The following SLC16A10 variants were observed in gnomAD, a reference collection of about 807,000 sequenced individuals.
SLC16A10 encodes the protein monocarboxylate transporter 10.
SLC16A10 carries 27 observed loss-of-function variants against 40.0 expected under a neutral mutation model. The ratio of observed to expected loss-of-function variants is 0.67; its 90% CI spans 0.50 to 0.93. The LOEUF (loss-of-function observed/expected upper bound fraction) is 0.93, where lower values mean the gene tolerates loss of function less well. Ranked by LOEUF, SLC16A10 falls within the 40% of genes least tolerant of loss-of-function variation. SLC16A10 has a pLI of 0.00. For missense variants in SLC16A10, 529 were observed against 658.2 expected (o/e 0.80, Z 2.15); for synonymous variants, 213 against 249.8 (o/e 0.85, Z 1.39).
chr6:111,112,054 A>T (rs1361116129), intron 1 of SLC16A10, among the ~76,000 whole-genome samples: 1 of 152,078 alleles, frequency 6.6e-6, no homozygotes, highest in Non-Finnish European at 1.5e-5. Flanking sequence ...TTTTTGAGAC[A>T]GAGTCTTGCT....
At chr6:111,089,718 G>A (rs1423847390) in intron 1 of SLC16A10, among the ~76,000 whole-genome samples, 2 of 152,102 alleles carry the variant, frequency 1.3e-5, no homozygotes, top group Non-Finnish European at 2.9e-5. Context: ...TATGAGTATT[G>A]GGTGTCAGAG....
chr6:111,108,271 C>T (rs1029854093), intron 1 of SLC16A10, among the ~76,000 whole-genome samples: 8 of 152,282 alleles, frequency 5.3e-5, no homozygotes, highest in Non-Finnish European at 1.5e-5. Context: ...TCACCTGTCT[C>T]GGCCTTCCAA....
At chr6:111,164,595 A>AC (rs1188058674) in intron 1 of SLC16A10, among the ~76,000 whole-genome samples, 1 of 152,026 alleles carries the variant, frequency 6.6e-6, no homozygotes, top group Non-Finnish European at 1.5e-5. Context: ...ATCCGTCTCT[A>AC]CTAAAAAAAA....
chr6:111,125,732 T>C (rs1013926006), intron 1 of SLC16A10, among the ~76,000 whole-genome samples: 1 of 152,222 alleles, frequency 6.6e-6, no homozygotes, highest in African/African-American at 2.4e-5. Context: ...ATGTAAAGTC[T>C]GTTTACTGCC....
intron 1 of SLC16A10, among the ~76,000 whole-genome samples, chr6:111,146,051 A>G (rs1190452903): frequency 2.0e-5 from 3 of 152,240 alleles, no homozygotes; most frequent in East Asian, 3.8e-4. Context: ...ATTTTTTGCA[A>G]ATCATGTATT....
intron 3 of SLC16A10, among the ~76,000 whole-genome samples, chr6:111,180,239 C>A (rs74888963): frequency 6.6e-6 from 1 of 152,064 alleles, no homozygotes; most frequent in Non-Finnish European, 1.5e-5. Context: ...GACTAAGGCC[C>A]GGAAAGATTA....
chr6:111,150,477 T>A (rs1404689205), intron 1 of SLC16A10, among the ~76,000 whole-genome samples: 1 of 152,234 alleles, frequency 6.6e-6, no homozygotes, highest in Non-Finnish European at 1.5e-5. Context: ...ATCAATATCA[T>A]CATCATCATC....
intron 1 of SLC16A10, among the ~76,000 whole-genome samples, chr6:111,104,921 CT>C (rs1311880044): frequency 6.6e-6 from 1 of 151,724 alleles, no homozygotes; most frequent in Admixed American, 6.6e-5. Flanking sequence ...AGTAATAGAA[CT>C]TCCTTAAAAT....
chr6:111,117,058 T>G lies in SLC16A10; in HGVS notation c.343+28963T>G, dbSNP rs1156848654. On this transcript the variant is annotated intron_variant, in intron 1 of 5. Transcript: ENST00000368851. The stretch of plus-strand genomic sequence containing the variant: ...TATTGAAGAGGATTGATAAAAGAAG[T>G]GGGAAGGTCAGGCCAGGTGTGGTGG... Among the ~76,000 whole-genome samples, 10 of 151,992 alleles carry G rather than the reference T, an allele frequency of 6.6e-5. No individual in the cohort carries two copies. The East Asian group carries it at 1.9e-3, about 29-fold the overall frequency.
intron 1 of SLC16A10, among the ~76,000 whole-genome samples, chr6:111,158,348 TG>T (rs1772309952): frequency 6.6e-6 from 1 of 152,192 alleles, no homozygotes; most frequent in Non-Finnish European, 1.5e-5. Flanking sequence ...CCAGACTTTC[TG>T]GCACTAGGGA....
rs145047809 is a variant in SLC16A10, at chr6:111,088,063, C to G, written c.311C>G (p.Ser104Cys). Residue 104 changes from serine to cysteine, a missense_variant, in exon 1 of 6, where the codon TCC (serine) becomes TGC (cysteine). By Grantham distance (112) the Ser-to-Cys change is moderately radical. Coordinates refer to ENST00000368851, the MANE Select transcript of SLC16A10 (RefSeq NM_018593.5). ...GTGTCCATGCTGGAAACCTTCGGCT[C>G]CAAAGACGATGACAAGATGGTCTTT... is the stretch of plus-strand genomic sequence containing the variant. ...LFVSMLETFG[S>C]KDDDKMVFKT... is the part of the protein sequence containing the mutation. 1.6e-5 allele frequency: 25 copies of G among 1,608,200 alleles called. No homozygotes were observed. The African/African-American group carries it at 3.2e-4, about 21-fold the overall frequency.
intron 1 of SLC16A10, among the ~76,000 whole-genome samples, chr6:111,139,781 T>G (rs966497114): frequency 2.0e-5 from 3 of 152,248 alleles, no homozygotes; most frequent in Non-Finnish European, 4.4e-5. Flanking sequence ...CCTCTGGGTA[T>G]ATGCTCAGTA....
chr6:111,193,853 A>G (rs1029787986), intron 3 of SLC16A10, among the ~76,000 whole-genome samples: 4 of 152,208 alleles, frequency 2.6e-5, no homozygotes, highest in African/African-American at 4.8e-5. Context: ...TATTTTTGTT[A>G]GGCCCTTATA....
rs150284887 is a variant in SLC16A10 at position 111,122,197 on chromosome 6, C to G, written c.343+34102C>G. 5.9e-3 allele frequency among the ~76,000 whole-genome samples: 903 copies of G among 152,268 alleles called. 8 individuals carry two copies. The highest frequency in any genetic ancestry group is 0.02 in the African/African-American group (851 of 41,542). On this transcript the variant is annotated intron_variant, in intron 1 of 5. Coordinates refer to ENST00000368851, the MANE Select transcript of SLC16A10 (RefSeq NM_018593.5). ...TGGTCATTTTATCCCAGGCTGGCAG[C>G]GTGCTGGCATATTGATGAGCAGCTG... is the stretch of plus-strand genomic sequence containing the variant.
At chr6:111,146,462 C>T (rs111863265) in intron 1 of SLC16A10, among the ~76,000 whole-genome samples, 16 of 152,220 alleles carry the variant, frequency 1.1e-4, no homozygotes, top group South Asian at 2.1e-4. Flanking sequence ...ATATACAGGC[C>T]GGGCGCGGTG....
chr6:111,115,618 A>T (rs1771471924), intron 1 of SLC16A10, among the ~76,000 whole-genome samples: 4 of 152,246 alleles, frequency 2.6e-5, no homozygotes, highest in African/African-American at 9.6e-5. Flanking sequence ...GTTTCTTTGA[A>T]GCCAGCTTTC....
chr6:111,192,286 G>T (rs906244719), intron 3 of SLC16A10, among the ~76,000 whole-genome samples: 3 of 152,098 alleles, frequency 2.0e-5, no homozygotes, highest in Non-Finnish European at 2.9e-5. Flanking sequence ...CTAGGGCAGG[G>T]ACAAAATGCC....
rs530337543 is a variant in SLC16A10, at chr6:111,162,675, G to C, written c.344-10020G>C. On this transcript the variant is annotated intron_variant, in intron 1 of 5. Transcript: ENST00000368851. ...AAGAATACTCACAAATAGTTTCCAA[G>C]TTCTGAGGAAACCAGGCAAAAAGAA... Among the ~76,000 whole-genome samples, 5 of 152,266 alleles carry C rather than the reference G, an allele frequency of 3.3e-5. No individual in the cohort carries two copies. In the East Asian group the frequency reaches 9.6e-4, roughly 29 times the overall value.
chr6:111,124,544 G>C (rs749184691), intron 1 of SLC16A10, among the ~76,000 whole-genome samples: 1 of 151,982 alleles, frequency 6.6e-6, no homozygotes, highest in African/African-American at 2.4e-5. Flanking sequence ...TGTATTTTTT[G>C]CAGAGATGAG....
Sources: allele counts gnomAD v4.1 joint callset (sites outside exome capture counted in the v4.1 genomes callset), GRCh38; gene constraint gnomAD v4.1.1; transcripts MANE v1.5; gene names NCBI Gene and HGNC (gene_info 2026-07-23, HGNC 2026-07-21).